The following CENPP variants were observed in gnomAD, a reference collection of about 807,000 sequenced individuals.
CENPP encodes centromere protein P.
Under a neutral mutation model 35.6 loss-of-function variants are expected in CENPP, and 24 were observed. The ratio of observed to expected loss-of-function variants is 0.67; its 90% CI spans 0.49 to 0.95. The LOEUF (loss-of-function observed/expected upper bound fraction) is 0.95, where lower values mean the gene tolerates loss of function less well. Among genes scored for constraint, CENPP ranks in the 40% least tolerant of loss-of-function variants. The probability of loss-of-function intolerance (pLI) is 0.00; values close to 1 mark genes in which losing one functional copy is unlikely to be tolerated. For synonymous variants in CENPP, 120 were observed against 125.5 expected, an observed-to-expected ratio of 0.96 and a Z score of 0.29; for missense variants, 332 against 345.3, an observed-to-expected ratio of 0.96 and a Z score of 0.31.
At chr9:92,601,070 T>C (rs1483945919) in intron 5 of CENPP, among the ~76,000 whole-genome samples, 1 of 152,224 alleles carries the variant, frequency 6.6e-6, no homozygotes, top group Non-Finnish European at 1.5e-5. Flanking sequence ...TGTGTTTGCG[T>C]GTCCGAGCCT....
chr9:92,404,715 A>C lies in CENPP; in HGVS notation c.564+24856A>C, dbSNP rs777788718. On this transcript the variant is annotated intron_variant, in intron 5 of 7. Transcript: ENST00000375587. ...GAAATGCAGTGTGTTGTACTAGAGAACTGTGCTTAAGTTATTTGTTGTAAC... is the reference window on the plus strand; with the variant it reads ...GAAATGCAGTGTGTTGTACTAGAGACCTGTGCTTAAGTTATTTGTTGTAAC... 3.4e-6 allele frequency: 4 copies of C among 1,160,852 alleles called. No homozygotes were observed. In the South Asian group the frequency reaches 5.2e-5, roughly 15 times the overall value. The allele number at this position is 1,160,852 out of a possible 1,614,324, so 71.9% of individuals were successfully genotyped here.
chr9:92,549,100 G>T (rs1244274000), intron 5 of CENPP, among the ~76,000 whole-genome samples: 1 of 152,160 alleles, frequency 6.6e-6, no homozygotes, highest in Non-Finnish European at 1.5e-5. Context: ...GTAGCTACTT[G>T]ATTTTCTCAC....
Position 92,612,618 on chromosome 9 carries a change from G to C in CENPP, c.736+4G>C. 6.2e-7 allele frequency: 1 copy of C among 1,611,462 alleles called. No homozygotes were observed. On this transcript the variant is annotated splice_donor_region_variant and intron_variant, in intron 7 of 7. Coordinates refer to ENST00000375587, the MANE Select transcript of CENPP (RefSeq NM_001012267.3). ...CTCACCAAAGTCCCACAGCGAGGTA[G>C]GGCCCTGGGTGTGGCTGCTCTAGGT...
At chr9:92,571,536 C>A (rs1254423997) in intron 5 of CENPP, among the ~76,000 whole-genome samples, 1 of 152,134 alleles carries the variant, frequency 6.6e-6, no homozygotes. Flanking sequence ...CAATTTGGTG[C>A]TGAGAAGAAT....
intron 5 of CENPP, among the ~76,000 whole-genome samples, chr9:92,609,465 T>C (rs746146492): frequency 1.3e-5 from 2 of 152,236 alleles, no homozygotes; most frequent in Non-Finnish European, 1.5e-5. Context: ...TCAGGCCAGA[T>C]GCTTCTCAGG....
At chr9:92,528,751 A>G (rs1194940915) in intron 5 of CENPP, among the ~76,000 whole-genome samples, 1 of 145,898 alleles carries the variant, frequency 6.9e-6, no homozygotes, top group African/African-American at 2.4e-5. Flanking sequence ...CTTAAAAGCA[A>G]GCCTTTCTGA....
intron 5 of CENPP, among the ~76,000 whole-genome samples, chr9:92,442,932 A>G (rs1240593104): frequency 6.6e-6 from 1 of 152,140 alleles, no homozygotes; most frequent in African/African-American, 2.4e-5. Flanking sequence ...GATAGAGGGT[A>G]TCTACAAAAA....
At chr9:92,348,118 T>C (rs763275518) in intron 4 of CENPP, among the ~76,000 whole-genome samples, 1 of 149,754 alleles carries the variant, frequency 6.7e-6, no homozygotes, top group African/African-American at 2.4e-5. Context: ...CTTTCTTTTT[T>C]TTTTTTTTTT....
chr9:92,474,313 C>T (rs376913297), intron 5 of CENPP, among the ~76,000 whole-genome samples: 1 of 152,166 alleles, frequency 6.6e-6, no homozygotes, highest in Non-Finnish European at 1.5e-5. Flanking sequence ...AACCTGCTAG[C>T]ACCCTGAGAT....
chr9:92,573,294 C>G, intron 5 of CENPP, among the ~76,000 whole-genome samples: 1 of 152,120 alleles, frequency 6.6e-6, no homozygotes, highest in Non-Finnish European at 1.5e-5. Flanking sequence ...GATGTCCTTT[C>G]TGTTTGTTAG....
In CENPP at chr9:92,464,967, C is replaced by T. The variant is rs769512341; in HGVS notation, c.564+85108C>T. On this transcript the variant is annotated intron_variant, in intron 5 of 7. Coordinates refer to ENST00000375587, the MANE Select transcript of CENPP (RefSeq NM_001012267.3). ...GCTTCTGCAATTCTGATATGGAACA[C>T]CGTCACCCCTTCAAATGCCCCTGGC... The T allele has an allele frequency of 4.3e-6, 7 of 1,614,040 alleles. No individual in the cohort carries two copies. In the Admixed American group the frequency reaches 1.2e-4, roughly 27 times the overall value.
rs554530144 is a variant in CENPP, at chr9:92,619,694, G to A, written c.*6545G>A. ...AGAACCTGAGGGTGGGATTAGGAGC[G>A]AGGGCCACGGTGAGCACGGGCGTCA... On this transcript the variant is annotated 3_prime_UTR_variant, in exon 8 of 8. Coordinates refer to ENST00000375587, the MANE Select transcript of CENPP (RefSeq NM_001012267.3). 66 of 824,488 alleles carry A rather than the reference G, an allele frequency of 8.0e-5. No homozygotes were observed. Among genetic ancestry groups the A allele is most frequent in the Non-Finnish European group, 1.2e-4 (60 of 507,846 alleles). 51.1% of individuals were successfully genotyped at this position (824,488 alleles called of 1,614,324 possible).
At chr9:92,599,851 C>T (rs537502214) in intron 5 of CENPP, among the ~76,000 whole-genome samples, 16 of 152,330 alleles carry the variant, frequency 1.1e-4, no homozygotes, top group Non-Finnish European at 1.6e-4. Flanking sequence ...TACTTTCCCC[C>T]TAGGCTGTGG....
intron 5 of CENPP, among the ~76,000 whole-genome samples, chr9:92,498,987 G>C (rs1257549541): frequency 1.3e-5 from 2 of 152,132 alleles, no homozygotes; most frequent in Non-Finnish European, 2.9e-5. Context: ...CAATTGAAAG[G>C]ACCACGTCTC....
chr9:92,589,881 A>G (rs1028416596), intron 5 of CENPP, among the ~76,000 whole-genome samples: 1 of 151,978 alleles, frequency 6.6e-6, no homozygotes, highest in Non-Finnish European at 1.5e-5. Context: ...ATATTTCCTG[A>G]CTCTATCAGT....
At chr9:92,349,272 A>C (rs536616305) in intron 4 of CENPP, among the ~76,000 whole-genome samples, 2 of 152,172 alleles carry the variant, frequency 1.3e-5, no homozygotes, top group South Asian at 4.1e-4. Context: ...GTCGCTTGTA[A>C]TGCTTTTTAT....
At chr9:92,511,977 T>C (rs987050558) in intron 5 of CENPP, 1 of 1,497,582 alleles carries the variant, frequency 6.7e-7, no homozygotes, top group African/African-American at 1.4e-5. Context: ...GTGAAGCCAT[T>C]CATCCAAATA....
intron 5 of CENPP, among the ~76,000 whole-genome samples, chr9:92,567,744 G>A (rs1186759014): frequency 6.6e-6 from 1 of 152,038 alleles, no homozygotes; most frequent in Non-Finnish European, 1.5e-5. Context: ...CAGAGATTAG[G>A]TGTGTTATTG....
At chr9:92,421,228 CA>C (rs1209981151) in intron 5 of CENPP, among the ~76,000 whole-genome samples, 2 of 152,038 alleles carry the variant, frequency 1.3e-5, no homozygotes, top group Non-Finnish European at 2.9e-5. Flanking sequence ...TTTGTAAAGA[CA>C]GGGTTTTGCC....
Sources: gnomAD v4.1 joint callset for allele counts (sites outside exome capture counted in the v4.1 genomes callset) on GRCh38, gnomAD v4.1.1 for gene constraint, MANE v1.5 for transcripts, NCBI Gene and HGNC (gene_info 2026-07-23, HGNC 2026-07-21) for gene names.